Variants in CHN2 observed in about 807,000 individuals in gnomAD.
CHN2 encodes chimerin 2, also known as beta-chimaerin.
CHN2 carries 35 observed loss-of-function variants against 56.3 expected under a neutral mutation model. The observed-to-expected ratio is 0.62, with a 90% confidence interval of 0.47 to 0.82. The LOEUF is 0.82. CHN2 is among the 40% of genes least tolerant of loss of function. The pLI, the probability that CHN2 is intolerant of heterozygous loss-of-function variation, is 0.00. For synonymous variants in CHN2, 210 were observed against 212.8 expected (o/e 0.99, Z 0.12); for missense variants, 491 against 580.5 (o/e 0.85, Z 1.58).
intron 2 of CHN2, among the ~76,000 whole-genome samples, chr7:29,153,543 A>T (rs1250545441): frequency 6.6e-6 from 1 of 152,182 alleles, no homozygotes; most frequent in East Asian, 1.9e-4. Context: ...CCACTTAATG[A>T]ACAGTAAATA....
intron 1 of CHN2, among the ~76,000 whole-genome samples, chr7:29,303,768 C>T (rs760976725): frequency 6.6e-6 from 1 of 152,166 alleles, no homozygotes; most frequent in Non-Finnish European, 1.5e-5. Context: ...TTTCTGAAGT[C>T]ATGAAAGCAG....
chr7:29,178,037 T>A (rs542867469), intron 2 of CHN2, among the ~76,000 whole-genome samples: 1 of 152,162 alleles, frequency 6.6e-6, no homozygotes, highest in African/African-American at 2.4e-5. Context: ...ACCTTGATGA[T>A]TGTTTATCTC....
intron 1 of CHN2, among the ~76,000 whole-genome samples, chr7:29,337,839 G>C (rs1238167738): frequency 6.6e-6 from 1 of 152,046 alleles, no homozygotes; most frequent in Admixed American, 6.5e-5. Context: ...TGGTTGATGG[G>C]GTGTCTGAAG....
intron 6 of CHN2, among the ~76,000 whole-genome samples, chr7:29,476,952 T>C (rs1339905611): frequency 6.6e-6 from 1 of 152,200 alleles, no homozygotes; most frequent in African/African-American, 2.4e-5. Flanking sequence ...GAAATTTTCA[T>C]TAGAAGAAGA....
chr7:29,159,432 C>G (rs1017288268), intron 2 of CHN2, among the ~76,000 whole-genome samples: 1 of 152,202 alleles, frequency 6.6e-6, no homozygotes, highest in Non-Finnish European at 1.5e-5. Flanking sequence ...TATTGGAAAA[C>G]TATCTGCCTT....
intron 2 of CHN2, among the ~76,000 whole-genome samples, chr7:29,155,740 C>T (rs752924221): frequency 3.9e-5 from 6 of 152,182 alleles, no homozygotes; most frequent in Admixed American, 2.6e-4. Context: ...CCTCCCTCAT[C>T]GGGAGCCAGG....
At chr7:29,216,434 A>G (rs1288371591) in intron 1 of CHN2, among the ~76,000 whole-genome samples, 1 of 152,254 alleles carries the variant, frequency 6.6e-6, no homozygotes, top group Non-Finnish European at 1.5e-5. Flanking sequence ...CCCACTGGCC[A>G]TATTTCCTAA....
At chr7:29,344,981 C>G (rs1451356114) in intron 1 of CHN2, among the ~76,000 whole-genome samples, 1 of 152,208 alleles carries the variant, frequency 6.6e-6, no homozygotes, top group African/African-American at 2.4e-5. Flanking sequence ...TTGTCCAACA[C>G]TTTGAGCACC....
At chr7:29,187,741 T>G (rs572288776) in intron 2 of CHN2, among the ~76,000 whole-genome samples, 3 of 151,608 alleles carry the variant, frequency 2.0e-5, no homozygotes, top group East Asian at 3.9e-4. Flanking sequence ...AAAATAAAAA[T>G]AAAAAATAAA....
intron 6 of CHN2, among the ~76,000 whole-genome samples, chr7:29,479,131 A>C (rs1786864824): frequency 6.6e-6 from 1 of 152,216 alleles, no homozygotes; most frequent in African/African-American, 2.4e-5. Flanking sequence ...CCAAGACATC[A>C]GGATTTCCCT....
chr7:29,454,422 G>T (rs575514666), intron 6 of CHN2, among the ~76,000 whole-genome samples: 9 of 152,328 alleles, frequency 5.9e-5, no homozygotes, highest in Non-Finnish European at 1.2e-4. Flanking sequence ...TGGAGTTTGA[G>T]ATTTTTTGTA....
chr7:29,406,585 A>C (rs1802667803), intron 6 of CHN2, among the ~76,000 whole-genome samples: 1 of 151,798 alleles, frequency 6.6e-6, no homozygotes, highest in Non-Finnish European at 1.5e-5. Flanking sequence ...GGCATGCTGC[A>C]CACCACCTTT....
chr7:29,479,338 G>A (rs1786881197), intron 6 of CHN2, among the ~76,000 whole-genome samples: 1 of 152,194 alleles, frequency 6.6e-6, no homozygotes, highest in African/African-American at 2.4e-5. Context: ...TTGTCTGTGT[G>A]GGTTTGAGCA....
At chr7:29,252,579 T>TG in intron 1 of CHN2, among the ~76,000 whole-genome samples, 2 of 10,288 alleles carry the variant, frequency 1.9e-4, no homozygotes, top group East Asian at 7.2e-3. Context: ...GCATTCTTTG[T>TG]TTTTTTTTTT....
chr7:29,506,380 G>A (rs1452611404), intron 10 of CHN2, among the ~76,000 whole-genome samples: 2 of 152,214 alleles, frequency 1.3e-5, no homozygotes, highest in Non-Finnish European at 2.9e-5. Context: ...GCTCACACCT[G>A]TAATCCGAGC....
intron 1 of CHN2, among the ~76,000 whole-genome samples, chr7:29,203,753 T>C (rs535270428): frequency 6.6e-6 from 1 of 152,280 alleles, no homozygotes; most frequent in East Asian, 1.9e-4. Flanking sequence ...AGGCAGAAAC[T>C]TACCAAGGCA....
intron 1 of CHN2, among the ~76,000 whole-genome samples, chr7:29,287,641 A>C (rs1686754837): frequency 6.6e-6 from 1 of 152,028 alleles, no homozygotes; most frequent in African/African-American, 2.4e-5. Context: ...CCACCCCTTG[A>C]TTTTTTTCAG....
intron 6 of CHN2, among the ~76,000 whole-genome samples, chr7:29,410,766 G>A (rs1228194050): frequency 2.6e-5 from 4 of 152,108 alleles, no homozygotes; most frequent in South Asian, 2.1e-4. Context: ...TTAGACCTTT[G>A]TAAGGGGAGA....
intron 1 of CHN2, among the ~76,000 whole-genome samples, chr7:29,350,953 C>G (rs1043033317): frequency 6.6e-6 from 1 of 151,904 alleles, no homozygotes; most frequent in Admixed American, 6.6e-5. Flanking sequence ...ACTAAAAATA[C>G]AAAAGTTAGC....
Sources: gnomAD v4.1 joint callset for allele counts (sites outside exome capture counted in the v4.1 genomes callset) on GRCh38, gnomAD v4.1.1 for gene constraint, MANE v1.5 for transcripts, NCBI Gene and HGNC (gene_info 2026-07-23, HGNC 2026-07-21) for gene names.